Variants in SLC4A8 observed in about 807,000 individuals in gnomAD.
SLC4A8 encodes the protein solute carrier family 4 member 8.
In SLC4A8, 40 loss-of-function variants were observed where a neutral mutation model predicts 125.0. The ratio of observed to expected loss-of-function variants is 0.32; its 90% CI spans 0.25 to 0.42. The LOEUF (loss-of-function observed/expected upper bound fraction) is 0.42. SLC4A8 is among the 10% of genes least tolerant of loss of function. The pLI is 1.00. For synonymous variants in SLC4A8, 456 were observed against 476.0 expected (o/e 0.96, Z 0.55); for missense variants, 863 against 1,355.1 (o/e 0.64, Z 5.70).
In SLC4A8 at chr12:51,460,113, A is replaced by G. The variant is rs766167925; in HGVS notation, c.1013+5A>G. 5 of 1,612,120 alleles carry G rather than the reference A, an allele frequency of 3.1e-6. No homozygotes were observed. Among genetic ancestry groups the G allele is most frequent in the Admixed American group, 3.3e-5 (2 of 59,998 alleles). ...AGAAGTGCCAATCCCAACAAGGTAAAGGCAAAGATAAAACTCATGCATTCT... is the reference window on the plus strand; with the variant it reads ...AGAAGTGCCAATCCCAACAAGGTAAGGGCAAAGATAAAACTCATGCATTCT... On this transcript the variant is annotated splice_donor_5th_base_variant and intron_variant, in intron 8 of 24. Transcript: ENST00000453097.
At position 51,471,489 on chromosome 12, in the gene SLC4A8, C is replaced by A. The variant is rs773013832; in HGVS notation, c.1861C>A (p.Pro621Thr). ...ACTGATTCACCTGGCAGAGACCTAC[C>A]CCATCCACATGCACAGCCAGCTGGA... ...EKLIHLAETYPIHMHSQLDHL... is the reference protein window; with the variant it reads ...EKLIHLAETYTIHMHSQLDHL... The change falls in exon 14 of 25, where the codon CCC becomes ACC. Residue 621 changes from proline to threonine, a missense_variant. Physicochemically the swap from Pro to Thr is conservative, Grantham distance 38. Coordinates refer to ENST00000453097, the MANE Select transcript of SLC4A8 (RefSeq NM_001039960.3). 6.2e-7 allele frequency: 1 copy of A among 1,614,184 alleles called. No individual in the cohort carries two copies. The highest frequency in any genetic ancestry group is 8.5e-7 in the Non-Finnish European group (1 of 1,180,026).
chr12:51,444,005 T>C (rs10783441), intron 2 of SLC4A8, among the ~76,000 whole-genome samples: 73,657 of 152,102 alleles, frequency 0.48, 18,153 homozygotes, highest in Non-Finnish European at 0.53. Flanking sequence ...ATCTTTCCCA[T>C]AATTTTTACT....
chr12:51,498,865 G>A (rs1432752130), intron 22 of SLC4A8, among the ~76,000 whole-genome samples: 1 of 73,486 alleles, frequency 1.4e-5, no homozygotes, highest in Non-Finnish European at 2.5e-5. Flanking sequence ...GGGTGACAGA[G>A]AGAGATCCTG....
intron 1 of SLC4A8, among the ~76,000 whole-genome samples, chr12:51,427,518 A>C (rs1949031995): frequency 6.6e-6 from 1 of 152,142 alleles, no homozygotes; most frequent in South Asian, 2.1e-4. Flanking sequence ...GACCTCATGA[A>C]GGCTGGAGTC....
chr12:51,489,387 G>C (rs1951245282), intron 18 of SLC4A8, among the ~76,000 whole-genome samples: 1 of 152,200 alleles, frequency 6.6e-6, no homozygotes, highest in South Asian at 2.1e-4. Context: ...ATCTAGAATG[G>C]TCAAGATGTG....
intron 16 of SLC4A8, among the ~76,000 whole-genome samples, chr12:51,485,460 G>A (rs1434744087): frequency 6.6e-6 from 1 of 152,146 alleles, no homozygotes; most frequent in Non-Finnish European, 1.5e-5. Flanking sequence ...TTTTTGGCTA[G>A]CACTGAGGAC....
rs1202135989 is a variant in SLC4A8, at chr12:51,481,394, C to G, written c.2173-4393C>G. 2.0e-5 allele frequency among the ~76,000 whole-genome samples: 3 copies of G among 152,170 alleles called. No homozygotes were observed. In the East Asian group the frequency reaches 5.8e-4, roughly 29 times the overall value. ...CCTCCTAGAAAAGCCTCTGAACCAC[C>G]TTCAGCTAAATCTGTAACGTTTATA... On this transcript the variant is annotated intron_variant, in intron 16 of 24. Transcript: ENST00000453097.
At chr12:51,400,599 C>T (rs1292075026) in intron 1 of SLC4A8, among the ~76,000 whole-genome samples, 4 of 150,846 alleles carry the variant, frequency 2.7e-5, no homozygotes, top group Non-Finnish European at 5.9e-5. Flanking sequence ...TACCCTAGAA[C>T]ACCTCAGGGG....
intron 1 of SLC4A8, among the ~76,000 whole-genome samples, chr12:51,416,223 T>G (rs926212784): frequency 1.3e-5 from 2 of 150,200 alleles, no homozygotes; most frequent in African/African-American, 2.4e-5. Flanking sequence ...TTTTTTTTTT[T>G]TTTTTTTTTG....
chr12:51,397,634 C>A (rs1295297493), intron 1 of SLC4A8, among the ~76,000 whole-genome samples: 1 of 151,984 alleles, frequency 6.6e-6, no homozygotes, highest in African/African-American at 2.4e-5. Context: ...TAGAGATAAC[C>A]AATGTTGCTA....
At position 51,504,088 on chromosome 12, in the gene SLC4A8, A is replaced by T; in HGVS notation, c.3141A>T (p.Leu1047Phe). The T allele has an allele frequency of 1.9e-6, 3 of 1,587,240 alleles. No individual in the cohort carries two copies. The highest frequency in any genetic ancestry group is 2.6e-6 in the Non-Finnish European group (3 of 1,164,900). Reference sequence around the variant, plus strand: ...AGTTTCCCTTAGAGAGCAGGAAGTTACTAAGTAGTCCTGGAAAGAACATCA... The same window carrying T: ...AGTTTCCCTTAGAGAGCAGGAAGTTTCTAAGTAGTCCTGGAAAGAACATCA... ...GDKFPLESRK[L>F]LSSPGKNISC... The change falls in exon 23 of 25, where the codon TTA (leucine) becomes TTT (phenylalanine). Residue 1047 changes from leucine to phenylalanine, a missense_variant. By Grantham distance (22) the Leu-to-Phe change is conservative. Transcript: ENST00000453097.
chr12:51,422,665 C>T (rs1343693415), upstream of SLC4A8, among the ~76,000 whole-genome samples: 5 of 152,302 alleles, frequency 3.3e-5, no homozygotes, highest in African/African-American at 1.2e-4. Context: ...CAGCCCACAG[C>T]CTTTCTCTAT....
upstream of SLC4A8, among the ~76,000 whole-genome samples, chr12:51,420,731 A>C (rs939906604): frequency 6.6e-6 from 1 of 152,232 alleles, no homozygotes; most frequent in Non-Finnish European, 1.5e-5. Flanking sequence ...GGAAGCCACA[A>C]AGAAAGAGTG....
intron 22 of SLC4A8, among the ~76,000 whole-genome samples, chr12:51,502,973 C>G (rs1018933487): frequency 3.3e-5 from 5 of 151,732 alleles, no homozygotes; most frequent in African/African-American, 1.2e-4. Context: ...TCCCGAGTAG[C>G]TGGGACTACA....
upstream of SLC4A8, among the ~76,000 whole-genome samples, chr12:51,420,833 A>G (rs1424239929): frequency 6.6e-6 from 1 of 152,206 alleles, no homozygotes; most frequent in Admixed American, 6.5e-5. Flanking sequence ...GAATCATTTC[A>G]TCTGAGCTCA....
intron 1 of SLC4A8, among the ~76,000 whole-genome samples, chr12:51,415,432 G>T (rs1173526391): frequency 6.6e-6 from 1 of 152,108 alleles, no homozygotes; most frequent in Non-Finnish European, 1.5e-5. Context: ...TTACTGCTCT[G>T]TTCAGGTGTT....
At chr12:51,409,946 G>A (rs1055188129) in intron 1 of SLC4A8, among the ~76,000 whole-genome samples, 1 of 152,226 alleles carries the variant, frequency 6.6e-6, no homozygotes, top group African/African-American at 2.4e-5. Context: ...AATGTCGGGT[G>A]CGGGTTCTGC....
At position 51,477,206 on chromosome 12, in the gene SLC4A8, T is replaced by TA. The variant is rs1487242424; in HGVS notation, c.2172+2001dup. Among the ~76,000 whole-genome samples, 3 of 152,154 alleles carry TA rather than the reference T, an allele frequency of 2.0e-5. No homozygotes were observed. The East Asian group carries it at 5.8e-4, about 29-fold the overall frequency. ...GGGGTGAGCCACCATGCCCAACCAATACAGCATTTTCCATAAAATATATTT... is the reference window on the plus strand; with the variant it reads ...GGGGTGAGCCACCATGCCCAACCAATAACAGCATTTTCCATAAAATATATTT... On this transcript the variant is annotated intron_variant, in intron 16 of 24. Transcript: ENST00000453097.
intron 1 of SLC4A8, among the ~76,000 whole-genome samples, chr12:51,396,473 A>T (rs967235855): frequency 1.5e-5 from 2 of 130,942 alleles, no homozygotes; most frequent in African/African-American, 5.9e-5. Context: ...CAAGATAAAT[A>T]ATACTTTAAT....
Sources: gnomAD v4.1 joint callset for allele counts (sites outside exome capture counted in the v4.1 genomes callset) on GRCh38, gnomAD v4.1.1 for gene constraint, MANE v1.5 for transcripts, NCBI Gene and HGNC (gene_info 2026-07-23, HGNC 2026-07-21) for gene names.